Variants in PCDHAC1 observed in about 807,000 individuals in gnomAD.
PCDHAC1 encodes protocadherin alpha subfamily C, 1, also known as protocadherin alpha-C1.
A neutral mutation model predicts 60.0 loss-of-function variants in PCDHAC1; 42 were observed. That is an observed-to-expected ratio of 0.70 (90% CI 0.55 to 0.90). The LOEUF is 0.90. Among genes scored for constraint, PCDHAC1 ranks in the 40% least tolerant of loss-of-function variants. The pLI, the probability that PCDHAC1 is intolerant of heterozygous loss-of-function variation, is 0.00. For synonymous variants in PCDHAC1, 468 were observed against 499.3 expected, an observed-to-expected ratio of 0.94 and a Z score of 0.84; for missense variants, 1,160 against 1,222.3, an observed-to-expected ratio of 0.95 and a Z score of 0.76.
chr5:140,966,409 G>C (rs1234170283), intron 1 of PCDHAC1: 1 of 419,144 alleles, frequency 2.4e-6, no homozygotes, highest in African/African-American at 2.1e-5. Context: ...CGCGGAATCA[G>C]AGCAGGACTT....
Position 140,928,034 on chromosome 5 carries a change from G to T in PCDHAC1, c.1142G>T (p.Ser381Ile). 3 of 1,614,206 alleles carry T rather than the reference G, an allele frequency of 1.9e-6. No homozygotes were observed. Among genetic ancestry groups the T allele is most frequent in the Non-Finnish European group, 2.5e-6 (3 of 1,180,036 alleles). ...SNGRVICGMS[S>I]AGPFQLTASF... Reference sequence around the variant, plus strand: ...GGTAGGGTCATTTGTGGCATGTCTAGTGCAGGCCCTTTTCAGCTGACGGCT... The same window carrying T: ...GGTAGGGTCATTTGTGGCATGTCTATTGCAGGCCCTTTTCAGCTGACGGCT... The change falls in exon 1 of 4, where the codon AGT becomes ATT. Residue 381 changes from serine (S) to isoleucine (I), a missense_variant. Transcript: ENST00000253807.
At chr5:140,937,906 C>T (rs1235683629) in intron 1 of PCDHAC1, among the ~76,000 whole-genome samples, 6 of 130,108 alleles carry the variant, frequency 4.6e-5, no homozygotes, top group African/African-American at 6.4e-5. Context: ...AGTGAGACTC[C>T]GTCTCAAAAA....
intron 1 of PCDHAC1, among the ~76,000 whole-genome samples, chr5:140,964,670 G>A (rs2095847592): frequency 6.6e-6 from 1 of 151,912 alleles, no homozygotes; most frequent in Non-Finnish European, 1.5e-5. Context: ...CACAGGCCAG[G>A]TCCACAATTT....
At chr5:140,943,854 CAAG>C (rs1298449902) in intron 1 of PCDHAC1, among the ~76,000 whole-genome samples, 7 of 152,158 alleles carry the variant, frequency 4.6e-5, no homozygotes, top group African/African-American at 1.7e-4. Flanking sequence ...TCACAGAAGT[CAAG>C]AAGAGGTCTC....
chr5:140,944,346 C>A (rs2093644964), intron 1 of PCDHAC1, among the ~76,000 whole-genome samples: 2 of 152,130 alleles, frequency 1.3e-5, no homozygotes, highest in African/African-American at 4.8e-5. Flanking sequence ...TGCCACCACA[C>A]CTGGCTAATT....
intron 1 of PCDHAC1, among the ~76,000 whole-genome samples, chr5:140,933,883 T>C (rs376864592): frequency 1.3e-5 from 2 of 152,084 alleles, no homozygotes; most frequent in East Asian, 1.9e-4. Context: ...GTTTTATCTG[T>C]ACTTTTGAAT....
At chr5:140,984,030 A>T (rs900763001) in intron 3 of PCDHAC1, among the ~76,000 whole-genome samples, 17 of 152,330 alleles carry the variant, frequency 1.1e-4, no homozygotes, top group African/African-American at 3.6e-4. Context: ...AAGGGGAAAA[A>T]CATAAAATAG....
chr5:140,943,888 T>A (rs567966075), intron 1 of PCDHAC1, among the ~76,000 whole-genome samples: 1 of 152,330 alleles, frequency 6.6e-6, no homozygotes, highest in South Asian at 2.1e-4. Context: ...ATTGGACTGG[T>A]CATTATGATG....
chr5:140,990,369 C>T (rs2097390541), intron 3 of PCDHAC1, among the ~76,000 whole-genome samples: 1 of 152,054 alleles, frequency 6.6e-6, no homozygotes, highest in South Asian at 2.1e-4. Flanking sequence ...TCTAATAAAG[C>T]AAATTTGTTG....
intron 1 of PCDHAC1, 146 bp from the exon 2 acceptor site, chr5:140,978,803 C>A: frequency 2.0e-6 from 3 of 1,485,240 alleles, no homozygotes; most frequent in Middle Eastern, 1.8e-4. Context: ...ATGTAGATAT[C>A]ATCATAGAGT....
intron 1 of PCDHAC1, among the ~76,000 whole-genome samples, chr5:140,943,257 CA>C (rs1238620023): frequency 1.6e-3 from 121 of 77,534 alleles, no homozygotes; most frequent in Middle Eastern, 7.2e-3. Flanking sequence ...GACTCTGTCT[CA>C]AAAAAAAAAA....
intron 1 of PCDHAC1, among the ~76,000 whole-genome samples, chr5:140,962,725 T>C (rs536695569): frequency 3.2e-4 from 48 of 152,210 alleles, no homozygotes; most frequent in Non-Finnish European, 5.9e-4. Flanking sequence ...AGTATTTTCC[T>C]TCTGGGGATG....
chr5:141,001,825 CAG>C (rs1244261427), intron 3 of PCDHAC1, among the ~76,000 whole-genome samples: 1 of 151,674 alleles, frequency 6.6e-6, no homozygotes, highest in Non-Finnish European at 1.5e-5. Flanking sequence ...CAAATTCTGA[CAG>C]AGAGGGAGAC....
intron 3 of PCDHAC1, among the ~76,000 whole-genome samples, chr5:141,000,419 A>G (rs1394449061): frequency 1.6e-5 from 1 of 61,008 alleles, no homozygotes; most frequent in African/African-American, 7.6e-5. Flanking sequence ...ATATATATAT[A>G]TATTTTTTTT....
In PCDHAC1 at chr5:140,927,256, CCT is replaced by C. The variant is rs2084020732; in HGVS notation, c.369_370del (p.Phe124SerfsTer27). ...CGTCCTGGACACCAATGACAACTCACCTCTCTTTCCTGCCGGCGACGTGCAGC... is the reference window on the plus strand; with the variant it reads ...CGTCCTGGACACCAATGACAACTCACCTCTTTCCTGCCGGCGACGTGCAGC... ...IHVLDTNDNS[P>X]LFPAGDVQLH... On this transcript the variant is annotated frameshift_variant, in exon 1 of 4. Coordinates refer to ENST00000253807, the MANE Select transcript of PCDHAC1 (RefSeq NM_018898.5). LOFTEE classifies it high-confidence loss of function. 2 of 1,614,144 alleles carry C rather than the reference CCT, an allele frequency of 1.2e-6. No homozygotes were observed. The highest frequency in any genetic ancestry group is 1.7e-6 in the Non-Finnish European group (2 of 1,180,034).
Position 140,927,098 on chromosome 5 carries a change from A to G in PCDHAC1, c.206A>G (p.Asp69Gly), listed in dbSNP as rs1554204018. 4 of 1,613,286 alleles carry G rather than the reference A, an allele frequency of 2.5e-6. No individual in the cohort carries two copies. Among genetic ancestry groups the G allele is most frequent in the Non-Finnish European group, 3.4e-6 (4 of 1,179,558 alleles). ...CACCGCGAGCTCTACTTCGGGGTGGATCTACCCAGCGGCAATTTGGTGGTC... is the reference window on the plus strand; with the variant it reads ...CACCGCGAGCTCTACTTCGGGGTGGGTCTACCCAGCGGCAATTTGGTGGTC... ...SSHRELYFGV[D>G]LPSGNLVVRE... The change falls in exon 1 of 4, where the codon GAT becomes GGT. Residue 69 changes from aspartate (D) to glycine (G), a missense_variant. Transcript: ENST00000253807.
At chr5:140,998,591 T>A (rs2097823979) in intron 3 of PCDHAC1, among the ~76,000 whole-genome samples, 1 of 150,884 alleles carries the variant, frequency 6.6e-6, no homozygotes, top group Non-Finnish European at 1.5e-5. Context: ...TGAGACAGAG[T>A]TTTGCTCTTG....
chr5:140,995,284 G>A (rs1439846116), intron 3 of PCDHAC1, among the ~76,000 whole-genome samples: 2 of 152,112 alleles, frequency 1.3e-5, no homozygotes, highest in African/African-American at 4.8e-5. Flanking sequence ...TACCAAAACA[G>A]CCAGTCGGAT....
intron 1 of PCDHAC1, among the ~76,000 whole-genome samples, chr5:140,975,393 C>G (rs2096665585): frequency 6.6e-6 from 1 of 152,256 alleles, no homozygotes. Flanking sequence ...TAAGATCCAT[C>G]ACAATCACAG....
Sources: gnomAD v4.1 joint callset for allele counts (sites outside exome capture counted in the v4.1 genomes callset) on GRCh38, gnomAD v4.1.1 for gene constraint, MANE v1.5 for transcripts, NCBI Gene and HGNC (gene_info 2026-07-23, HGNC 2026-07-21) for gene names.